ASS1: variants seen among roughly 807,000 people sequenced by gnomAD.
ASS1 encodes the protein argininosuccinate synthase.
In ASS1, 58 loss-of-function variants were observed where a neutral mutation model predicts 60.5. The observed-to-expected ratio is 0.96, with a 90% CI of 0.78 to 1.19. The LOEUF is 1.19. ASS1 is among the 50% of genes most tolerant of loss of function. The pLI is 0.00. For missense variants in ASS1, 454 were observed against 547.3 expected, an observed-to-expected ratio of 0.83 and a Z score of 1.70; for synonymous variants, 200 against 206.9, an observed-to-expected ratio of 0.97 and a Z score of 0.29.
intron 4 of ASS1, among the ~76,000 whole-genome samples, chr9:130,462,345 G>A (rs569712757): frequency 3.3e-5 from 5 of 152,300 alleles, no homozygotes; most frequent in South Asian, 2.1e-4. Context: ...GCGGACACTC[G>A]TGTGTGAGAC....
intron 11 of ASS1, among the ~76,000 whole-genome samples, chr9:130,485,990 GTT>G (rs1303693760): frequency 6.6e-6 from 1 of 152,102 alleles, no homozygotes; most frequent in Non-Finnish European, 1.5e-5. Context: ...ATCATGTTTT[GTT>G]TTGTTTCTCT....
Position 130,470,738 on chromosome 9 carries a change from G to C in ASS1, c.496-96G>C, listed in dbSNP as rs781692979. On this transcript the variant is annotated intron_variant, in intron 6 of 14. Coordinates refer to ENST00000352480, the MANE Select transcript of ASS1 (RefSeq NM_054012.4). The surrounding 1 kb of genome is among the most constrained non-coding windows in gnomAD (Gnocchi z 4.3). ...CAGGGTCTTGTCTGAATGGGGGCCA[G>C]AGTTTGGGGCTCTCTGAAAAAGCAG... 5.5e-5 allele frequency: 68 copies of C among 1,233,840 alleles called. No individual in the cohort carries two copies. In the South Asian group the frequency reaches 8.0e-4, roughly 15 times the overall value. The allele number at this position is 1,233,840 out of a possible 1,614,324, so 76.4% of individuals were successfully genotyped here.
intron 3 of ASS1, among the ~76,000 whole-genome samples, chr9:130,456,443 G>T (rs1391395601): frequency 6.6e-6 from 1 of 151,796 alleles, no homozygotes; most frequent in Non-Finnish European, 1.5e-5. Flanking sequence ...TCCATCCTGG[G>T]CAACAACAGC....
rs1845520754 is a variant in ASS1, at chr9:130,459,055, C to T, written c.363+466C>T. Among the ~76,000 whole-genome samples, 1 of 152,242 alleles carries T rather than the reference C, an allele frequency of 6.6e-6. No homozygotes were observed. The highest frequency in any genetic ancestry group is 1.5e-5 in the Non-Finnish European group (1 of 68,046). ...CAGTTTCTTCATTTGCAAGATGGGGCTCATGCCATGTCTTAGTTTCCCAGG... is the reference window on the plus strand; with the variant it reads ...CAGTTTCTTCATTTGCAAGATGGGGTTCATGCCATGTCTTAGTTTCCCAGG... On this transcript the variant is annotated intron_variant, in intron 4 of 14. Coordinates refer to ENST00000352480, the MANE Select transcript of ASS1 (RefSeq NM_054012.4). The surrounding 1 kb of genome is among the most constrained non-coding windows in gnomAD (Gnocchi z 4.6).
At chr9:130,471,419 T>C in intron 7 of ASS1, 66 bp from the exon 8 acceptor site, 1 of 1,571,684 alleles carries the variant, frequency 6.4e-7, no homozygotes, top group Non-Finnish European at 8.8e-7. Context: ...GGGGTGTGTG[T>C]GTTGGGGGAT....
At position 130,488,971 on chromosome 9, in the gene ASS1, G is replaced by A. The variant is rs1846377466; in HGVS notation, c.839-362G>A. Reference sequence around the variant, plus strand: ...TGGAAGGGAAGAAGGGATATTTGGGGCTCTGGGCTCTACCGTAGTCGCTTT... The same window carrying A: ...TGGAAGGGAAGAAGGGATATTTGGGACTCTGGGCTCTACCGTAGTCGCTTT... On this transcript the variant is annotated intron_variant, in intron 11 of 14. Coordinates refer to ENST00000352480, the MANE Select transcript of ASS1 (RefSeq NM_054012.4). The surrounding 1 kb of genome is among the most constrained non-coding windows in gnomAD (Gnocchi z 5.2). Among the ~76,000 whole-genome samples the A allele has an allele frequency of 6.6e-6, 1 of 152,192 alleles. No individual in the cohort carries two copies. Among genetic ancestry groups the A allele is most frequent in the African/African-American group, 2.4e-5 (1 of 41,454 alleles).
At chr9:130,454,012 C>T (rs959212167) in intron 2 of ASS1, among the ~76,000 whole-genome samples, 6 of 152,230 alleles carry the variant, frequency 3.9e-5, no homozygotes, top group Non-Finnish European at 8.8e-5. Context: ...CCAGCAATGA[C>T]AGCAGATGGT....
At chr9:130,458,746 C>T (rs1313725014) in intron 4 of ASS1, among the ~76,000 whole-genome samples, 157 bp downstream of exon 4, 1 of 152,248 alleles carries the variant, frequency 6.6e-6, no homozygotes, top group Non-Finnish European at 1.5e-5. Context: ...AGAGGGGTAA[C>T]AGCTCGCCCC....
intron 8 of ASS1, among the ~76,000 whole-genome samples, chr9:130,473,643 G>A (rs918787388): frequency 1.3e-5 from 2 of 152,134 alleles, no homozygotes; most frequent in African/African-American, 4.8e-5. Context: ...TGTCCCCCTC[G>A]GGATGAGCTC....
chr9:130,465,044 A>G lies in ASS1; in HGVS notation c.420+877A>G, dbSNP rs938844043. 3.3e-3 allele frequency among the ~76,000 whole-genome samples: 333 copies of G among 101,490 alleles called. 3 individuals are homozygous for G. Among genetic ancestry groups the G allele is most frequent in the Admixed American group, 0.029 (309 of 10,620 alleles). 66.6% of individuals were successfully genotyped at this position (101,490 alleles called of 152,430 possible). On this transcript the variant is annotated intron_variant, in intron 5 of 14. Transcript: ENST00000352480. Reference sequence around the variant, plus strand: ...ATAAATACATATGTTTTATATATATATATATATATATATTTTTTTTTTTTC... The same window carrying G: ...ATAAATACATATGTTTTATATATATGTATATATATATATTTTTTTTTTTTC...
At chr9:130,499,671 G>T in intron 14 of ASS1, 101 bp downstream of exon 14, 1 of 1,255,622 alleles carries the variant, frequency 8.0e-7, no homozygotes, top group South Asian at 1.3e-5. Flanking sequence ...ATGCGACCTT[G>T]ACTGCTGCCC....
intron 1 of ASS1, chr9:130,451,480 G>A (rs1165256580): frequency 7.0e-6 from 2 of 287,254 alleles, no homozygotes; most frequent in Non-Finnish European, 1.4e-5. Flanking sequence ...GTTGAATTCA[G>A]AGGCGCTCAC....
chr9:130,471,869 C>T (rs980905815), intron 8 of ASS1, among the ~76,000 whole-genome samples: 10 of 152,114 alleles, frequency 6.6e-5, no homozygotes, highest in African/African-American at 2.2e-4. Context: ...TGCCCACCAG[C>T]TCCCAGGCTG....
chr9:130,491,510 G>A lies in ASS1; in HGVS notation c.970+2046G>A, dbSNP rs1285189103. Among the ~76,000 whole-genome samples, 1 of 152,248 alleles carries A rather than the reference G, an allele frequency of 6.6e-6. No individual in the cohort carries two copies. Among genetic ancestry groups the A allele is most frequent in the Non-Finnish European group, 1.5e-5 (1 of 68,046 alleles). On this transcript the variant is annotated intron_variant, in intron 12 of 14. Coordinates refer to ENST00000352480, the MANE Select transcript of ASS1 (RefSeq NM_054012.4). This position sits in a 1 kb window ranked among gnomAD's most constrained non-coding sequence, Gnocchi z 5.3. ...ACACTCACCCAGGCTCTCCTGGCTG[G>A]TGATGGGCAGCTTTGAGCCGGGGAC... is the stretch of plus-strand genomic sequence containing the variant.
chr9:130,493,452 C>G (rs1451724210), intron 12 of ASS1, among the ~76,000 whole-genome samples: 1 of 152,176 alleles, frequency 6.6e-6, no homozygotes, highest in Non-Finnish European at 1.5e-5. Flanking sequence ...TGCGGACTCA[C>G]AGGGTGGGAC....
chr9:130,451,509 TA>T (rs1374998922), intron 1 of ASS1: 1 of 319,390 alleles, frequency 3.1e-6, no homozygotes, highest in African/African-American at 2.2e-5. Flanking sequence ...ACACGATGTC[TA>T]AAATTCCAGC....
At chr9:130,485,893 T>C (rs956830725) in intron 11 of ASS1, among the ~76,000 whole-genome samples, 4 of 152,220 alleles carry the variant, frequency 2.6e-5, no homozygotes, top group African/African-American at 9.6e-5. Context: ...ATTTCCTGTT[T>C]CTGCACACAC....
At chr9:130,483,458 G>A (rs1778139609) in intron 11 of ASS1, among the ~76,000 whole-genome samples, 1 of 151,624 alleles carries the variant, frequency 6.6e-6, no homozygotes, top group Non-Finnish European at 1.5e-5. Flanking sequence ...AGCCGCGGCT[G>A]GAGTAGCTTT....
Position 130,488,560 on chromosome 9 carries a change from A to C in ASS1, c.839-773A>C, listed in dbSNP as rs540297290. Among the ~76,000 whole-genome samples, 1 of 152,218 alleles carries C rather than the reference A, an allele frequency of 6.6e-6. No individual in the cohort carries two copies. Among genetic ancestry groups the C allele is most frequent in the South Asian group, 2.1e-4 (1 of 4,814 alleles). On this transcript the variant is annotated intron_variant, in intron 11 of 14. Transcript: ENST00000352480. This position sits in a 1 kb window ranked among gnomAD's most constrained non-coding sequence, Gnocchi z 5.2. Reference sequence around the variant, plus strand: ...GACCAGGCATTTCTGTCTCACTCGGAGATCATCTGTTCCAAGCAGGTTGTT... The same window carrying C: ...GACCAGGCATTTCTGTCTCACTCGGCGATCATCTGTTCCAAGCAGGTTGTT...
Sources: gnomAD v4.1 joint callset for allele counts (sites outside exome capture counted in the v4.1 genomes callset) on GRCh38, gnomAD v4.1.1 for gene constraint, Gnocchi (gnomAD v3.1) non-coding constraint, MANE v1.5 for transcripts, NCBI Gene and HGNC (gene_info 2026-07-23, HGNC 2026-07-21) for gene names.